TENM2: variants seen among roughly 807,000 people sequenced by gnomAD.
The protein encoded by TENM2 is teneurin transmembrane protein 2.
In TENM2, 52 loss-of-function variants were observed where a neutral mutation model predicts 245.2. The observed-to-expected ratio is 0.21, with a 90% CI of 0.17 to 0.27. TENM2 has a LOEUF of 0.27. TENM2 is among the 10% of genes least tolerant of loss of function. TENM2 has a pLI of 1.00. For missense variants in TENM2, 3,046 were observed against 3,666.8 expected (o/e 0.83, Z 4.37); for synonymous variants, 1,363 against 1,438.9 (o/e 0.95, Z 1.19).
At chr5:167,233,989 T>C in the TENM2 span, among the ~76,000 whole-genome samples, 5 of 151,754 alleles carry the variant, frequency 3.3e-5, no homozygotes, top group Admixed American at 3.3e-4. Context: ...TAAAAATCCA[T>C]GAAAACACTC....
chr5:167,891,638 G>A (rs541139626), intron 3 of TENM2, among the ~76,000 whole-genome samples: 45 of 152,230 alleles, frequency 3.0e-4, no homozygotes, highest in African/African-American at 1.0e-3. Context: ...TGTTTGACAC[G>A]GGAGTATACA....
intron 2 of TENM2, among the ~76,000 whole-genome samples, chr5:167,711,087 C>T (rs1049380625): frequency 1.3e-5 from 2 of 152,138 alleles, no homozygotes; most frequent in African/African-American, 2.4e-5. Flanking sequence ...AAATGGGGCT[C>T]AGAGGGCTGA....
chr5:168,208,612 C>T (rs1272774920), intron 19 of TENM2, among the ~76,000 whole-genome samples: 7 of 152,168 alleles, frequency 4.6e-5, no homozygotes, highest in East Asian at 1.9e-4. Context: ...ACTTAAAGAA[C>T]GGAAATGCTT....
chr5:167,343,708 C>T (rs560048842), intron 1 of TENM2, among the ~76,000 whole-genome samples: 1 of 152,082 alleles, frequency 6.6e-6, no homozygotes, highest in Non-Finnish European at 1.5e-5. Context: ...AATGAATTAA[C>T]ACAAGAAGTT....
chr5:168,229,602 A>AGTTGTTT (rs142034594), intron 25 of TENM2: 13 of 152,142 alleles, frequency 8.5e-5, no homozygotes, highest in African/African-American at 3.1e-4. Context: ...ACAAAGAAAG[A>AGTTGTTT]GTTTATCAAA....
At chr5:167,648,909 G>A (rs1001754401) in intron 2 of TENM2, among the ~76,000 whole-genome samples, 6 of 152,124 alleles carry the variant, frequency 3.9e-5, no homozygotes, top group East Asian at 1.9e-4. Context: ...AGAAGGGCTC[G>A]GTCTGTGGCC....
At chr5:168,076,072 A>G (rs902055164) in intron 7 of TENM2, among the ~76,000 whole-genome samples, 4 of 152,180 alleles carry the variant, frequency 2.6e-5, no homozygotes, top group African/African-American at 9.7e-5. Flanking sequence ...TCTGTGGCTT[A>G]TTCCTTTTAT....
intron 12 of TENM2, among the ~76,000 whole-genome samples, chr5:168,157,746 A>T (rs1757310196): frequency 6.6e-6 from 1 of 152,092 alleles, no homozygotes; most frequent in South Asian, 2.1e-4. Context: ...TGGGGAGGAA[A>T]GGTAAAGAGT....
At chr5:167,209,020 T>G in the TENM2 span, among the ~76,000 whole-genome samples, 1 of 152,210 alleles carries the variant, frequency 6.6e-6, no homozygotes, top group African/African-American at 2.4e-5. Context: ...GGAAGCTATC[T>G]TCCTTCATCT....
At chr5:167,531,060 G>A (rs1258453439) in intron 2 of TENM2, among the ~76,000 whole-genome samples, 1 of 152,182 alleles carries the variant, frequency 6.6e-6, no homozygotes, top group African/African-American at 2.4e-5. Flanking sequence ...TGACACCGGG[G>A]TGTCACAGGA....
At chr5:167,515,347 GAA>G (rs1377728652) in intron 2 of TENM2, among the ~76,000 whole-genome samples, 1 of 151,930 alleles carries the variant, frequency 6.6e-6, no homozygotes, top group Non-Finnish European at 1.5e-5. Context: ...CAAATAATAA[GAA>G]AATAGTGTTT....
chr5:167,616,363 T>C (rs985066828), intron 2 of TENM2, among the ~76,000 whole-genome samples: 10 of 152,218 alleles, frequency 6.6e-5, no homozygotes, highest in African/African-American at 2.4e-4. Context: ...TTATTGCACT[T>C]TGTTTATAGC....
chr5:167,703,662 A>T (rs914034541), intron 2 of TENM2, among the ~76,000 whole-genome samples: 2 of 152,174 alleles, frequency 1.3e-5, no homozygotes, highest in African/African-American at 4.8e-5. Context: ...GACAGTTTTT[A>T]TTTTTTTCTG....
At chr5:167,012,738 A>G in the TENM2 span, among the ~76,000 whole-genome samples, 1 of 152,216 alleles carries the variant, frequency 6.6e-6, no homozygotes. Context: ...TATCAGGTAC[A>G]GGGCTGCATC....
chr5:167,214,541 A>G, the TENM2 span, among the ~76,000 whole-genome samples: 2 of 152,104 alleles, frequency 1.3e-5, no homozygotes, highest in South Asian at 2.1e-4. Context: ...CTATACATCA[A>G]TGTCGCTGTC....
At chr5:167,004,337 A>G in the TENM2 span, among the ~76,000 whole-genome samples, 4 of 152,236 alleles carry the variant, frequency 2.6e-5, no homozygotes, top group Non-Finnish European at 4.4e-5. Context: ...TTGATCTGTT[A>G]CAAAAGTCAT....
chr5:167,415,357 C>T (rs1257653506), intron 2 of TENM2, among the ~76,000 whole-genome samples: 1 of 152,120 alleles, frequency 6.6e-6, no homozygotes, highest in African/African-American at 2.4e-5. Flanking sequence ...CTGTTGTACA[C>T]TTTCTAGCAT....
chr5:168,181,561 C>T (rs1156852287), intron 13 of TENM2, among the ~76,000 whole-genome samples: 4 of 151,722 alleles, frequency 2.6e-5, no homozygotes, highest in Admixed American at 6.6e-5. Flanking sequence ...TTTGGTACAA[C>T]GATCTCTGGA....
intron 3 of TENM2, among the ~76,000 whole-genome samples, chr5:167,879,393 G>T (rs1301348186): frequency 6.6e-6 from 1 of 152,110 alleles, no homozygotes. Flanking sequence ...CCAGCGAGTG[G>T]CTCATTCTGT....
Sources: allele counts gnomAD v4.1 joint callset (sites outside exome capture counted in the v4.1 genomes callset), GRCh38; gene constraint gnomAD v4.1.1; transcripts MANE v1.5; gene names NCBI Gene and HGNC (gene_info 2026-07-23, HGNC 2026-07-21).